TIMM22: variants seen among roughly 807,000 people sequenced by gnomAD.
TIMM22 encodes the protein mitochondrial import inner membrane translocase subunit Tim22.
TIMM22 carries 12 observed loss-of-function variants against 18.3 expected under a neutral mutation model. The observed-to-expected ratio is 0.65, with a 90% CI of 0.42 to 1.06. The LOEUF (loss-of-function observed/expected upper bound fraction) is 1.06, where lower values mean the gene tolerates loss of function less well. Ranked by LOEUF, TIMM22 falls within the 50% of genes least tolerant of loss-of-function variation. The pLI, the probability that TIMM22 is intolerant of heterozygous loss-of-function variation, is 0.00. For missense variants in TIMM22, 278 were observed against 252.8 expected, an observed-to-expected ratio of 1.10 and a Z score of -0.68; for synonymous variants, 107 against 98.5, an observed-to-expected ratio of 1.09 and a Z score of -0.51.
Position 999,495 on chromosome 17 carries a change from T to G in TIMM22, c.436-17T>G. On this transcript the variant is annotated splice_polypyrimidine_tract_variant and intron_variant, in intron 2 of 3. Transcript: ENST00000327158. ...GGCTTGTTTCTTTGGCTCTAACGTG[T>G]ACTTCCCTGCCCACAGTACCGGGGA... 6.2e-7 allele frequency: 1 copy of G among 1,613,116 alleles called. No individual in the cohort carries two copies. The highest frequency in any genetic ancestry group is 1.1e-5 in the South Asian group (1 of 90,900).
Position 1,003,630 on chromosome 17 carries a change from A to AAAT in TIMM22, c.*2544_*2546dup, listed in dbSNP as rs1243487478. On this transcript the variant is annotated 3_prime_UTR_variant, in exon 4 of 4. Coordinates refer to ENST00000327158, the MANE Select transcript of TIMM22 (RefSeq NM_013337.4). ...AAGTTGAAACAGAACATAGACAAAA[A>AAAT]AATATATCCTTACCAACTTATTAAA... 1.3e-5 allele frequency: 2 copies of AAAT among 152,580 alleles called. No individual in the cohort carries two copies. Among genetic ancestry groups the AAAT allele is most frequent in the Non-Finnish European group, 2.9e-5 (2 of 68,054 alleles). 9.5% of individuals were successfully genotyped at this position (152,580 alleles called of 1,614,324 possible).
chr17:998,827 C>G lies in TIMM22; in HGVS notation c.287C>G (p.Thr96Ser). 1 of 1,614,052 alleles carries G rather than the reference C, an allele frequency of 6.2e-7. No individual in the cohort carries two copies. The highest frequency in any genetic ancestry group is 1.3e-5 in the African/African-American group (1 of 75,024). Residue 96 changes from threonine to serine, a missense_variant, in exon 2 of 4, where the codon ACC (threonine) becomes AGC (serine). Thr to Ser is a moderately conservative substitution (Grantham distance 58). Coordinates refer to ENST00000327158, the MANE Select transcript of TIMM22 (RefSeq NM_013337.4). Reference protein sequence around the residue: ...AFGVFTAGIDTNVGFDPKDPY... With the variant: ...AFGVFTAGIDSNVGFDPKDPY... ...GGGGTGTTTACCGCTGGCATCGATA[C>G]CAACGTGGGCTTTGACCCTAAGGAT...
rs1292659007 is a variant in TIMM22 at position 1,001,314 on chromosome 17, C to T, written c.*226C>T. 1.4e-5 allele frequency: 7 copies of T among 486,478 alleles called. No individual in the cohort carries two copies. The highest frequency in any genetic ancestry group is 3.8e-5 in the East Asian group (1 of 26,280). The allele number at this position is 486,478 out of a possible 1,614,324, so 30.1% of individuals were successfully genotyped here. A position where few individuals can be genotyped will look rare whatever the true frequency, so the allele number is the denominator to read the frequency against. ...CAGCCAGCCTTCACAGAGGACGTCC[C>T]GTGCCAGATTCTCTCACAGCAGATC... On this transcript the variant is annotated 3_prime_UTR_variant, in exon 4 of 4. Transcript: ENST00000327158.
rs2069784224 is a variant in TIMM22, at chr17:1,003,002, A to G, written c.*1914A>G. The G allele has an allele frequency of 6.6e-6, 1 of 152,130 alleles. No homozygotes were observed. Among genetic ancestry groups the G allele is most frequent in the African/African-American group, 2.4e-5 (1 of 41,440 alleles). The allele number at this position is 152,130 out of a possible 1,614,324, so 9.4% of individuals were successfully genotyped here. A position where few individuals can be genotyped will look rare whatever the true frequency, so the allele number is the denominator to read the frequency against. On this transcript the variant is annotated 3_prime_UTR_variant, in exon 4 of 4. Transcript: ENST00000327158. Reference sequence around the variant, plus strand: ...TCAGAGACATCTGTTCCTGATCTTCAGAATAAACTCAGTGTCCAGTTGCTT... The same window carrying G: ...TCAGAGACATCTGTTCCTGATCTTCGGAATAAACTCAGTGTCCAGTTGCTT...
At position 1,002,912 on chromosome 17, in the gene TIMM22, A is replaced by T. The variant is rs1371186478; in HGVS notation, c.*1824A>T. 1 of 152,142 alleles carries T rather than the reference A, an allele frequency of 6.6e-6. No homozygotes were observed. The highest frequency in any genetic ancestry group is 2.4e-5 in the African/African-American group (1 of 41,420). 9.4% of individuals were successfully genotyped at this position (152,142 alleles called of 1,614,324 possible). A position where few individuals can be genotyped will look rare whatever the true frequency, so the allele number is the denominator to read the frequency against. ...TCCACGCTGCCTATTCACTCGAGAG[A>T]TGAATAGTTTCCTGTTTTCGATGGC... On this transcript the variant is annotated 3_prime_UTR_variant, in exon 4 of 4. Coordinates refer to ENST00000327158, the MANE Select transcript of TIMM22 (RefSeq NM_013337.4).
intron 3 of TIMM22, 37 bp downstream of exon 3, chr17:999,621 C>A (rs776534766): frequency 6.2e-7 from 1 of 1,600,254 alleles, no homozygotes; most frequent in Non-Finnish European, 8.6e-7. Context: ...TTCTTTGTGG[C>A]CTTGGACAAC....
intron 1 of TIMM22, 136 bp downstream of exon 1, chr17:997,516 A>G: frequency 1.2e-6 from 1 of 836,674 alleles, no homozygotes; most frequent in Non-Finnish European, 1.8e-6. Context: ...TCGTTCGTGA[A>G]TCGGGCGTCA....
In TIMM22 at chr17:997,394, A is replaced by T. The variant is rs1170166518; in HGVS notation, c.238+14A>T. On this transcript the variant is annotated intron_variant, in intron 1 of 3. Transcript: ENST00000327158. ...CCTGCGTGGGAGGTGAGGCCGGGCGATGGGACCCTTGGGAGGCTGAGGGCC... is the reference window on the plus strand; with the variant it reads ...CCTGCGTGGGAGGTGAGGCCGGGCGTTGGGACCCTTGGGAGGCTGAGGGCC... 3 of 1,609,968 alleles carry T rather than the reference A, an allele frequency of 1.9e-6. No homozygotes were observed. Among genetic ancestry groups the T allele is most frequent in the Non-Finnish European group, 2.5e-6 (3 of 1,177,964 alleles).
intron 3 of TIMM22, 42 bp downstream of exon 3, chr17:999,626 G>C (rs1351904077): frequency 8.1e-6 from 13 of 1,595,454 alleles, no homozygotes; most frequent in Non-Finnish European, 1.1e-5. Context: ...TGTGGCCTTG[G>C]ACAACGTGCT....
intron 3 of TIMM22, 65 bp from the exon 4 acceptor site, chr17:1,000,947 T>G: frequency 6.3e-7 from 1 of 1,582,370 alleles, no homozygotes; most frequent in Non-Finnish European, 8.7e-7. Context: ...GTGCCAACTT[T>G]CCGTGAGTGC....
rs2069689590 is a variant in TIMM22 at position 997,181 on chromosome 17, T to C, written c.39T>C (p.Pro13=). Residue 13 remains proline, a synonymous_variant, in exon 1 of 4, where the codon CCT becomes CCC. Transcript: ENST00000327158. ...CCCCCAATGCCGGAGGCTCGGCCCCTGAGACAGCGGGTTCCGCCGAAGCTC... is the reference window on the plus strand; with the variant it reads ...CCCCCAATGCCGGAGGCTCGGCCCCCGAGACAGCGGGTTCCGCCGAAGCTC... The part of the protein sequence containing the change: ...AAAPNAGGSA[P]ETAGSAEAPL... 6.2e-7 allele frequency: 1 copy of C among 1,611,574 alleles called. No individual in the cohort carries two copies. Among genetic ancestry groups the C allele is most frequent in the Non-Finnish European group, 8.5e-7 (1 of 1,179,662 alleles).
Position 997,337 on chromosome 17 carries a change from G to A in TIMM22, c.195G>A (p.Ala65=), listed in dbSNP as rs763960410. 1 of 1,613,844 alleles carries A rather than the reference G, an allele frequency of 6.2e-7. No homozygotes were observed. The highest frequency in any genetic ancestry group is 8.5e-7 in the Non-Finnish European group (1 of 1,179,924). ...KSEEQKMIEK[A]MESCAFKAAL... ...AGGAGCAGAAGATGATCGAGAAGGC[G>A]ATGGAAAGCTGCGCTTTCAAGGCTG... Residue 65 remains alanine, a synonymous_variant, in exon 1 of 4, where the codon GCG becomes GCA. Coordinates refer to ENST00000327158, the MANE Select transcript of TIMM22 (RefSeq NM_013337.4).
chr17:997,282 T>G lies in TIMM22; in HGVS notation c.140T>G (p.Leu47Arg). 1.2e-6 allele frequency: 2 copies of G among 1,613,654 alleles called. No homozygotes were observed. The highest frequency in any genetic ancestry group is 1.7e-6 in the Non-Finnish European group (2 of 1,179,936). ...RQPRLLEPGS[L>R]GGIPSPAKSE... The stretch of plus-strand genomic sequence containing the variant: ...CCCCGGCTCCTGGAGCCTGGGAGCC[T>G]GGGCGGGATCCCAAGTCCAGCCAAG... The change falls in exon 1 of 4, where the codon CTG (leucine) becomes CGG (arginine). Residue 47 changes from leucine to arginine, a missense_variant. Physicochemically the swap from Leu to Arg is moderately radical, Grantham distance 102. Coordinates refer to ENST00000327158, the MANE Select transcript of TIMM22 (RefSeq NM_013337.4).
At chr17:997,477 CG>C in intron 1 of TIMM22, 97 bp downstream of exon 1, 1 of 1,235,512 alleles carries the variant, frequency 8.1e-7, no homozygotes, top group Non-Finnish European at 1.1e-6. Flanking sequence ...CGAGGGACTG[CG>C]GGCCTTGACC....
chr17:1,001,179 C>T lies in TIMM22; in HGVS notation c.*91C>T. The stretch of plus-strand genomic sequence containing the variant: ...TCTGTACCACACCAGGGCCTTGCTT[C>T]AGGGCCTGAAGACATTCATTTTCCC... On this transcript the variant is annotated 3_prime_UTR_variant, in exon 4 of 4. Coordinates refer to ENST00000327158, the MANE Select transcript of TIMM22 (RefSeq NM_013337.4). 7.2e-7 allele frequency: 1 copy of T among 1,382,662 alleles called. No homozygotes were observed. The highest frequency in any genetic ancestry group is 1.0e-6 in the Non-Finnish European group (1 of 975,226). 85.6% of individuals were successfully genotyped at this position (1,382,662 alleles called of 1,614,324 possible).
intron 2 of TIMM22, among the ~76,000 whole-genome samples, 195 bp from the exon 3 acceptor site, chr17:999,317 C>T (rs1392330052): frequency 8.5e-5 from 9 of 106,128 alleles, no homozygotes; most frequent in South Asian, 5.7e-4. Context: ...CATCTATGAA[C>T]GCATACTATA....
At chr17:997,499 C>T in intron 1 of TIMM22, 119 bp downstream of exon 1, 1 of 970,372 alleles carries the variant, frequency 1.0e-6, no homozygotes, top group Non-Finnish European at 1.5e-6. Flanking sequence ...TTGACCACAC[C>T]CTCGCCTCGT....
chr17:998,681 C>T (rs574399862), intron 1 of TIMM22, 98 bp from the exon 2 acceptor site: 58 of 1,336,884 alleles, frequency 4.3e-5, no homozygotes, highest in South Asian at 1.0e-4. Flanking sequence ...TCCTCTGCAC[C>T]GGTGGTCATC....
At position 1,001,056 on chromosome 17, in the gene TIMM22, T is replaced by A; in HGVS notation, c.553T>A (p.Phe185Ile). The A allele has an allele frequency of 6.2e-7, 1 of 1,614,074 alleles. No homozygotes were observed. Among genetic ancestry groups the A allele is most frequent in the Non-Finnish European group, 8.5e-7 (1 of 1,179,988 alleles). ...CATTGGTTGTGGAGGTTTTGCTGCT[T>A]TCTCTGCTGCGATTGATTATTACCT... ...GAIGCGGFAAFSAAIDYYLR is the reference protein window; with the variant it reads ...GAIGCGGFAAISAAIDYYLR Residue 185 changes from phenylalanine (F) to isoleucine (I), a missense_variant, in exon 4 of 4, where the codon TTC becomes ATC. Physicochemically the swap from Phe to Ile is conservative, Grantham distance 21 (BLOSUM62 0). Coordinates refer to ENST00000327158, the MANE Select transcript of TIMM22 (RefSeq NM_013337.4).
Sources: gnomAD v4.1 joint callset for allele counts (sites outside exome capture counted in the v4.1 genomes callset) on GRCh38, gnomAD v4.1.1 for gene constraint, MANE v1.5 for transcripts, NCBI Gene and HGNC (gene_info 2026-07-23, HGNC 2026-07-21) for gene names.